The following IL7 variants were observed in gnomAD, a reference collection of about 807,000 sequenced individuals.
IL7 encodes interleukin 7.
A neutral mutation model predicts 21.6 loss-of-function variants in IL7; 3 were observed. The ratio of observed to expected loss-of-function variants is 0.14; its 90% CI spans 0.06 to 0.36. The LOEUF is 0.36. Ranked by LOEUF, IL7 falls within the 10% of genes least tolerant of loss-of-function variation. The pLI is 1.00. For synonymous variants in IL7, 62 were observed against 68.1 expected (o/e 0.91, Z 0.44); for missense variants, 175 against 200.2 (o/e 0.87, Z 0.76).
chr8:78,805,017 C>A lies in IL7; in HGVS notation c.-95G>T. 1.4e-6 allele frequency: 2 copies of A among 1,389,264 alleles called. No homozygotes were observed. Among genetic ancestry groups the A allele is most frequent in the South Asian group, 1.3e-5 (1 of 76,552 alleles). 86.1% of individuals were successfully genotyped at this position (1,389,264 alleles called of 1,614,324 possible). A position where few individuals can be genotyped will look rare whatever the true frequency, so the allele number is the denominator to read the frequency against. ...TCACTCCCAGGACCCTGGTCTTCCG[C>A]GGAGTTGCCGAGTCTGTGTTGGGCA... On this transcript the variant is annotated 5_prime_UTR_variant, in exon 1 of 6. Coordinates refer to ENST00000263851, the MANE Select transcript of IL7 (RefSeq NM_000880.4).
intron 3 of IL7, among the ~76,000 whole-genome samples, chr8:78,722,586 A>G (rs1391825649): frequency 6.6e-6 from 1 of 152,000 alleles, no homozygotes; most frequent in Non-Finnish European, 1.5e-5. Flanking sequence ...TATGATAAAC[A>G]AAACTCTTCT....
At chr8:78,758,652 A>G (rs1463626231) in intron 2 of IL7, among the ~76,000 whole-genome samples, 2 of 152,000 alleles carry the variant, frequency 1.3e-5, no homozygotes, top group Non-Finnish European at 1.5e-5. Flanking sequence ...TTTTTCTCTC[A>G]GCACTTTGAA....
intron 3 of IL7, among the ~76,000 whole-genome samples, chr8:78,693,767 T>C (rs186800558): frequency 6.6e-6 from 1 of 152,356 alleles, no homozygotes; most frequent in Non-Finnish European, 1.5e-5. Flanking sequence ...TTGGCTTTTG[T>C]TGCCATTGCT....
intron 3 of IL7, among the ~76,000 whole-genome samples, chr8:78,695,490 T>A: frequency 6.6e-6 from 1 of 152,210 alleles, no homozygotes; most frequent in East Asian, 1.9e-4. Context: ...CATTTTGCTC[T>A]TTTTTGATTG....
downstream of IL7, chr8:78,717,620 G>A (rs1811148522): frequency 7.4e-6 from 8 of 1,080,510 alleles, no homozygotes; most frequent in Admixed American, 2.0e-4. Flanking sequence ...AGTTAATTTT[G>A]AAGTGTAATC....
chr8:78,712,353 C>T (rs1586031231), intron 3 of IL7, among the ~76,000 whole-genome samples: 1 of 151,912 alleles, frequency 6.6e-6, no homozygotes, highest in African/African-American at 2.4e-5. Flanking sequence ...TTTGAGGTTT[C>T]AAATTGCAGT....
intron 1 of IL7, among the ~76,000 whole-genome samples, chr8:78,803,523 T>C (rs898884884): frequency 2.6e-5 from 4 of 152,234 alleles, no homozygotes. Context: ...TAATCATTAT[T>C]ATTAGAATTT....
intron 2 of IL7, among the ~76,000 whole-genome samples, chr8:78,774,487 A>T (rs1813067148): frequency 1.3e-5 from 2 of 152,278 alleles, no homozygotes; most frequent in Non-Finnish European, 2.9e-5. Context: ...ACTGTATGTT[A>T]ATTAATAAAA....
At chr8:78,796,382 T>C (rs2130841125) in intron 2 of IL7, among the ~76,000 whole-genome samples, 1 of 152,198 alleles carries the variant, frequency 6.6e-6, no homozygotes, top group South Asian at 2.1e-4. Context: ...ATTTATATGC[T>C]GAAAAGAACA....
In IL7 at chr8:78,740,066, A is replaced by G. The variant is rs1811727903; in HGVS notation, c.164T>C (p.Ile55Thr). Residue 55 changes from isoleucine to threonine, a missense_variant, in exon 3 of 6, where the codon ATT (isoleucine) becomes ACT (threonine). Physicochemically the swap from Ile to Thr is moderately conservative, Grantham distance 89 (BLOSUM62 -1). Coordinates refer to ENST00000263851, the MANE Select transcript of IL7 (RefSeq NM_000880.4). ...TTCATTATTCAGGCAATTGCTACCAATTTCTTTCATGCTGTCCTGTAATAA... is the reference window on the plus strand; with the variant it reads ...TTCATTATTCAGGCAATTGCTACCAGTTTCTTTCATGCTGTCCTGTAATAA... ...IDQLLDSMKE[I>T]GSNCLNNEFN... 3 of 1,526,912 alleles carry G rather than the reference A, an allele frequency of 2.0e-6. No homozygotes were observed. The highest frequency in any genetic ancestry group is 1.4e-5 in the African/African-American group (1 of 70,602). The allele number at this position is 1,526,912 out of a possible 1,614,324, so 94.6% of individuals were successfully genotyped here.
chr8:78,722,580 A>G (rs552929471), intron 3 of IL7, among the ~76,000 whole-genome samples: 3 of 152,094 alleles, frequency 2.0e-5, no homozygotes, highest in African/African-American at 7.2e-5. Flanking sequence ...ATCTAATATG[A>G]TAAACAAAAC....
intron 4 of IL7, chr8:78,678,703 G>T: frequency 6.5e-7 from 1 of 1,526,824 alleles, no homozygotes; most frequent in Non-Finnish European, 8.9e-7. Context: ...CTTTTGAACA[G>T]TATGAACTTT....
chr8:78,728,252 C>T (rs1044142595), downstream of IL7, among the ~76,000 whole-genome samples: 1 of 151,844 alleles, frequency 6.6e-6, no homozygotes, highest in Non-Finnish European at 1.5e-5. Context: ...TTCCAACAAG[C>T]TTTTTTTACT....
chr8:78,804,989 T>C lies in IL7; in HGVS notation c.-67A>G, dbSNP rs1032921293. Reference sequence around the variant, plus strand: ...AGCAGGAGCAAGCTCTCACCGCCCATAGTCACTCCCAGGACCCTGGTCTTC... The same window carrying C: ...AGCAGGAGCAAGCTCTCACCGCCCACAGTCACTCCCAGGACCCTGGTCTTC... On this transcript the variant is annotated 5_prime_UTR_variant, in exon 1 of 6. It removes an upstream start codon present in the reference 5' UTR. Coordinates refer to ENST00000263851, the MANE Select transcript of IL7 (RefSeq NM_000880.4). 6.4e-7 allele frequency: 1 copy of C among 1,567,966 alleles called. No homozygotes were observed. The highest frequency in any genetic ancestry group is 8.7e-7 in the Non-Finnish European group (1 of 1,147,884).
intron 2 of IL7, among the ~76,000 whole-genome samples, chr8:78,742,944 T>G (rs1811844228): frequency 1.3e-5 from 2 of 152,332 alleles, no homozygotes; most frequent in Middle Eastern, 3.4e-3. Context: ...TGTGTTCTGA[T>G]CATTTAGCTG....
intron 4 of IL7, chr8:78,678,485 T>A: frequency 9.5e-7 from 1 of 1,052,170 alleles, no homozygotes; most frequent in East Asian, 2.5e-5. Context: ...TTTAAACTGG[T>A]CTCAATGTAA....
At chr8:78,712,170 T>C in intron 3 of IL7, 1 of 951,900 alleles carries the variant, frequency 1.1e-6, no homozygotes, top group Non-Finnish European at 1.4e-6. Flanking sequence ...CTTTATATAA[T>C]GGAATAACAT....
chr8:78,770,835 TC>T (rs1812925588), intron 2 of IL7, among the ~76,000 whole-genome samples: 1 of 152,166 alleles, frequency 6.6e-6, no homozygotes, highest in Admixed American at 6.6e-5. Context: ...AAATCACTCT[TC>T]TTTTTTTATA....
intron 2 of IL7, chr8:78,760,718 A>G (rs13264965): frequency 0.079 from 120,932 of 1,533,014 alleles, 16,717 homozygotes; most frequent in African/African-American, 0.42. Context: ...GTAACTCTCA[A>G]AGGTTAGCTG....
Sources: gnomAD v4.1 joint callset for allele counts (sites outside exome capture counted in the v4.1 genomes callset) on GRCh38, gnomAD v4.1.1 for gene constraint, MANE v1.5 for transcripts, NCBI Gene and HGNC (gene_info 2026-07-23, HGNC 2026-07-21) for gene names.